The following ASB7 variants were observed in gnomAD, a reference collection of about 807,000 sequenced individuals.
ASB7 encodes the protein ankyrin repeat and SOCS box containing 7.
In ASB7, 4 loss-of-function variants were observed where a neutral mutation model predicts 32.5. The ratio of observed to expected loss-of-function variants is 0.12; its 90% CI spans 0.06 to 0.28. The LOEUF (loss-of-function observed/expected upper bound fraction) is 0.28. ASB7 is among the 10% of genes least tolerant of loss of function. The pLI, the probability that ASB7 is intolerant of heterozygous loss-of-function variation, is 1.00. For missense variants in ASB7, 181 were observed against 407.1 expected (o/e 0.44, Z 4.78); for synonymous variants, 172 against 155.6 (o/e 1.11, Z -0.78).
chr15:100,602,805 C>T lies in ASB7; in HGVS notation c.-514C>T. ...CGAGCCCTGGACCGGGACTGCCCCCCCACCCGAGCCAGGACTTCCTCCCTG... is the reference window on the plus strand; with the variant it reads ...CGAGCCCTGGACCGGGACTGCCCCCTCACCCGAGCCAGGACTTCCTCCCTG... On this transcript the variant is annotated 5_prime_UTR_variant, in exon 1 of 6. Coordinates refer to ENST00000332783, the MANE Select transcript of ASB7 (RefSeq NM_198243.3). The T allele has an allele frequency of 2.6e-6, 1 of 391,920 alleles. No individual in the cohort carries two copies. The highest frequency in any genetic ancestry group is 4.5e-6 in the Non-Finnish European group (1 of 222,546). The allele number at this position is 391,920 out of a possible 1,614,324, so 24.3% of individuals were successfully genotyped here. A position where few individuals can be genotyped will look rare whatever the true frequency, so the allele number is the denominator to read the frequency against.
chr15:100,638,009 T>C lies in ASB7; in HGVS notation c.817+7967T>C, dbSNP rs376196476. Among the ~76,000 whole-genome samples the C allele has an allele frequency of 2.0e-5, 3 of 151,788 alleles. No homozygotes were observed. In the East Asian group the frequency reaches 5.8e-4, roughly 29 times the overall value. ...TCAATTGATTGTGGATTTTTTCTTA[T>C]TTTAAGTGAATTGGATAGTTTAAAA... On this transcript the variant is annotated intron_variant, in intron 5 of 5. Coordinates refer to ENST00000332783, the MANE Select transcript of ASB7 (RefSeq NM_198243.3).
intron 4 of ASB7, among the ~76,000 whole-genome samples, chr15:100,622,123 A>G (rs982757644): frequency 1.3e-5 from 2 of 152,150 alleles, no homozygotes; most frequent in Non-Finnish European, 2.9e-5. Flanking sequence ...ACATACAAAA[A>G]TCAGTAGCAT....
chr15:100,635,888 G>C (rs961120906), intron 5 of ASB7, among the ~76,000 whole-genome samples: 1 of 152,172 alleles, frequency 6.6e-6, no homozygotes, highest in Admixed American at 6.5e-5. Flanking sequence ...TTCCCCCCGG[G>C]GCTCGGGCCT....
chr15:100,627,242 G>A (rs2039847735), intron 4 of ASB7, among the ~76,000 whole-genome samples: 1 of 152,138 alleles, frequency 6.6e-6, no homozygotes, highest in Admixed American at 6.6e-5. Context: ...TGTTTGCTAA[G>A]GGGACAAAGT....
chr15:100,622,083 A>C (rs2039797142), intron 4 of ASB7, among the ~76,000 whole-genome samples: 1 of 152,188 alleles, frequency 6.6e-6, no homozygotes, highest in Non-Finnish European at 1.5e-5. Flanking sequence ...TAGATTGGAT[A>C]AATCAGTACA....
intron 4 of ASB7, among the ~76,000 whole-genome samples, chr15:100,619,986 GTTAA>G (rs1485668434): frequency 6.6e-6 from 1 of 152,214 alleles, no homozygotes; most frequent in African/African-American, 2.4e-5. Context: ...TTTCAGCCAA[GTTAA>G]TTAAAAAGTT....
chr15:100,648,545 C>G lies in ASB7; in HGVS notation c.*83C>G, dbSNP rs1461710851. ...TGCCTTGCACAAAGTATATCCTATG[C>G]AATTTCTGATTTGCTGTGAAATCAG... On this transcript the variant is annotated 3_prime_UTR_variant, in exon 6 of 6. Transcript: ENST00000332783. 8.6e-7 allele frequency: 1 copy of G among 1,157,358 alleles called. No individual in the cohort carries two copies. The highest frequency in any genetic ancestry group is 1.6e-5 in the African/African-American group (1 of 62,264). 71.7% of individuals were successfully genotyped at this position (1,157,358 alleles called of 1,614,324 possible).
chr15:100,640,190 G>A (rs1035590698), intron 5 of ASB7, among the ~76,000 whole-genome samples: 4 of 152,002 alleles, frequency 2.6e-5, no homozygotes, highest in Admixed American at 6.6e-5. Context: ...TGTCACCCAT[G>A]CTGGAATGCA....
intron 5 of ASB7, among the ~76,000 whole-genome samples, chr15:100,631,011 A>G (rs931426839): frequency 6.6e-6 from 1 of 152,222 alleles, no homozygotes; most frequent in Non-Finnish European, 1.5e-5. Flanking sequence ...GCTTGTAAGT[A>G]ACCCACTCTA....
rs1343086843 is a variant in ASB7, at chr15:100,603,161, C to A, written c.-272-54C>A. 3.3e-5 allele frequency: 13 copies of A among 388,950 alleles called. No homozygotes were observed. In the East Asian group the frequency reaches 4.7e-4, roughly 14 times the overall value. The allele number at this position is 388,950 out of a possible 1,614,324, so 24.1% of individuals were successfully genotyped here. On this transcript the variant is annotated intron_variant, in intron 1 of 5. Transcript: ENST00000332783. The stretch of plus-strand genomic sequence containing the variant: ...CACTCTCCAGCCCCTTTCCTGAGCT[C>A]CCCCCTCCCCACCTCTGAGACACTA...
chr15:100,603,700 A>G (rs1314262105), intron 2 of ASB7, among the ~76,000 whole-genome samples: 1 of 152,072 alleles, frequency 6.6e-6, no homozygotes, highest in Non-Finnish European at 1.5e-5. Context: ...TTTTTAATTA[A>G]ACCACAATTT....
rs2040024026 is a variant in ASB7 at position 100,650,413 on chromosome 15, G to GT, written c.*1952dup. On this transcript the variant is annotated 3_prime_UTR_variant, in exon 6 of 6. Transcript: ENST00000332783. ...TGGTGTGGCTAGAAATGAATTGAGT[G>GT]TGACTTCTCCCTACAACCCCAGGCC... The GT allele has an allele frequency of 6.6e-6, 1 of 152,278 alleles. No homozygotes were observed. Among genetic ancestry groups the GT allele is most frequent in the Admixed American group, 6.5e-5 (1 of 15,286 alleles). The allele number at this position is 152,278 out of a possible 1,614,324, so 9.4% of individuals were successfully genotyped here.
intron 5 of ASB7, among the ~76,000 whole-genome samples, chr15:100,641,095 G>A (rs573068370): frequency 1.8e-4 from 1 of 5,714 alleles, no homozygotes; most frequent in South Asian, 0.042. Flanking sequence ...TCTAACAGGG[G>A]AGGAATTAAT....
chr15:100,608,041 G>C (rs2039662449), intron 2 of ASB7, among the ~76,000 whole-genome samples: 1 of 152,144 alleles, frequency 6.6e-6, no homozygotes, highest in Non-Finnish European at 1.5e-5. Context: ...AGCTATGTTG[G>C]GTCATGTTTA....
chr15:100,618,011 G>T (rs1196961561), intron 4 of ASB7, among the ~76,000 whole-genome samples: 1 of 152,226 alleles, frequency 6.6e-6, no homozygotes, highest in Non-Finnish European at 1.5e-5. Context: ...CTGCAGTGCA[G>T]TGGCACAGTC....
rs1163186921 is a variant in ASB7, at chr15:100,649,280, T to C, written c.*818T>C. 6.6e-6 allele frequency: 1 copy of C among 152,260 alleles called. No individual in the cohort carries two copies. Among genetic ancestry groups the C allele is most frequent in the African/African-American group, 2.4e-5 (1 of 41,452 alleles). The allele number at this position is 152,260 out of a possible 1,614,324, so 9.4% of individuals were successfully genotyped here. On this transcript the variant is annotated 3_prime_UTR_variant, in exon 6 of 6. Coordinates refer to ENST00000332783, the MANE Select transcript of ASB7 (RefSeq NM_198243.3). ...GTATTTTATCCATTATTTCACTTGC[T>C]GGTCGTCATTTCACAGCCAGCTTTG... is the stretch of plus-strand genomic sequence containing the variant.
chr15:100,608,124 T>G (rs1288477140), intron 2 of ASB7, among the ~76,000 whole-genome samples: 3 of 152,164 alleles, frequency 2.0e-5, no homozygotes, highest in African/African-American at 4.8e-5. Flanking sequence ...ACTCTTGAAA[T>G]GTAGATGTAG....
At chr15:100,611,757 G>A (rs2039698345) in intron 3 of ASB7, among the ~76,000 whole-genome samples, 1 of 150,060 alleles carries the variant, frequency 6.7e-6, no homozygotes, top group Non-Finnish European at 1.5e-5. Context: ...TAAGACTGTA[G>A]GCGTGAGCCA....
intron 3 of ASB7, among the ~76,000 whole-genome samples, chr15:100,611,161 C>CGAG (rs2039692107): frequency 6.6e-6 from 1 of 152,156 alleles, no homozygotes; most frequent in Non-Finnish European, 1.5e-5. Flanking sequence ...CCTCCTGCTT[C>CGAG]TACCTGCCGA....
Sources: allele counts gnomAD v4.1 joint callset (sites outside exome capture counted in the v4.1 genomes callset), GRCh38; gene constraint gnomAD v4.1.1; transcripts MANE v1.5; gene names NCBI Gene and HGNC (gene_info 2026-07-23, HGNC 2026-07-21).